POLR1D: variants seen among roughly 807,000 people sequenced by gnomAD.
The protein encoded by POLR1D is RNA polymerase I and III subunit D.
POLR1D carries 8 observed loss-of-function variants against 10.8 expected under a neutral mutation model. The observed-to-expected ratio is 0.74, with a 90% CI of 0.43 to 1.33. POLR1D has a LOEUF of 1.33. Ranked by LOEUF, POLR1D falls within the 40% of genes most tolerant of loss-of-function variation. The pLI, the probability that POLR1D is intolerant of heterozygous loss-of-function variation, is 0.01. For synonymous variants in POLR1D, 54 were observed against 57.2 expected (o/e 0.94, Z 0.25); for missense variants, 152 against 161.7 (o/e 0.94, Z 0.32).
chr13:27,654,857 T>C (rs956941112), intron 2 of POLR1D, among the ~76,000 whole-genome samples: 2 of 152,228 alleles, frequency 1.3e-5, no homozygotes, highest in Non-Finnish European at 2.9e-5. Flanking sequence ...CCTTGTTTCT[T>C]GCCACTGTTT....
At chr13:27,661,686 G>A (rs1020569001) in intron 2 of POLR1D, among the ~76,000 whole-genome samples, 1 of 152,206 alleles carries the variant, frequency 6.6e-6, no homozygotes, top group South Asian at 2.1e-4. Flanking sequence ...GTGGAAGATC[G>A]GGGGAGGCGG....
rs1056522449 is a variant in POLR1D at position 27,621,930 on chromosome 13, G to C, written c.-54G>C. 14 of 1,564,138 alleles carry C rather than the reference G, an allele frequency of 9.0e-6. No individual in the cohort carries two copies. Among genetic ancestry groups the C allele is most frequent in the Admixed American group, 1.9e-5 (1 of 52,590 alleles). Reference sequence around the variant, plus strand: ...TTCGCCTCCGCGCCTCGCGCTATGGGACAGAGCCCCCGATCCGCCAGCACC... The same window carrying C: ...TTCGCCTCCGCGCCTCGCGCTATGGCACAGAGCCCCCGATCCGCCAGCACC... On this transcript the variant is annotated 5_prime_UTR_variant, in exon 1 of 2. Transcript: ENST00000302979.
exon 3 of POLR1D, chr13:27,666,303 AAAAAT>A (rs1396594556): frequency 4.5e-6 from 1 of 221,296 alleles, no homozygotes; most frequent in Admixed American, 5.1e-5. Flanking sequence ...CATTTCTCAG[AAAAAT>A]AAAATACTTA....
In POLR1D at chr13:27,665,902, A is replaced by C. The variant is rs761590961; in HGVS notation, c.318A>C (p.Pro106=). Reference sequence around the variant, plus strand: ...GAGGTTCCGCCAGTTACTCCCCGCCACGAAAGCGGAGCAGCCAGGACAAGT... The same window carrying C: ...GAGGTTCCGCCAGTTACTCCCCGCCCCGAAAGCGGAGCAGCCAGGACAAGT... The change falls in exon 3 of 3, where the codon CCA becomes CCC. Residue 106 remains proline (P), a synonymous_variant. Coordinates refer to the POLR1D transcript ENST00000399697. 1.2e-5 allele frequency: 20 copies of C among 1,614,070 alleles called. 2 individuals are homozygous for C. The South Asian group carries it at 1.8e-4, about 14-fold the overall frequency.
chr13:27,630,027 T>G (rs1050399956), intron 1 of POLR1D, among the ~76,000 whole-genome samples: 4 of 152,192 alleles, frequency 2.6e-5, no homozygotes, highest in African/African-American at 4.8e-5. Flanking sequence ...TTCTTCTGCC[T>G]CAGCCTCCTG....
chr13:27,662,926 C>T (rs577581843), intron 2 of POLR1D, among the ~76,000 whole-genome samples: 199 of 152,292 alleles, frequency 1.3e-3, no homozygotes, highest in Middle Eastern at 3.4e-3. Flanking sequence ...GATTACATAA[C>T]ATGCCCAAAG....
At chr13:27,647,861 A>C (rs1266183509) in intron 1 of POLR1D, 1 of 158,900 alleles carries the variant, frequency 6.3e-6, no homozygotes, top group Non-Finnish European at 1.4e-5. Context: ...ACTGGTATAT[A>C]CTATTCTTAA....
At chr13:27,640,165 A>G (rs1335551056) in intron 1 of POLR1D, among the ~76,000 whole-genome samples, 1 of 152,168 alleles carries the variant, frequency 6.6e-6, no homozygotes, top group Non-Finnish European at 1.5e-5. Flanking sequence ...AGTGGTGCAT[A>G]TTAAATGCAT....
intron 1 of POLR1D, among the ~76,000 whole-genome samples, chr13:27,636,981 A>C (rs1381485782): frequency 6.6e-6 from 1 of 152,228 alleles, no homozygotes; most frequent in African/African-American, 2.4e-5. Flanking sequence ...AACAATGCAT[A>C]GTTAAACATT....
rs1450614909 is a variant in POLR1D at position 27,621,999 on chromosome 13, G to C, written c.16G>C (p.Glu6Gln). The part of the protein sequence containing the change: MEEDQ[E>Q]LERKISGLKT... Reference sequence around the variant, plus strand: ...CGCCCCAGCGATGGAAGAGGATCAGGAGCTGGAGAGGTAACGGCCGAGGAG... The same window carrying C: ...CGCCCCAGCGATGGAAGAGGATCAGCAGCTGGAGAGGTAACGGCCGAGGAG... The change falls in exon 1 of 2, where the codon GAG (glutamate) becomes CAG (glutamine). Residue 6 changes from glutamate (E) to glutamine (Q), a missense_variant. Glu to Gln is a conservative substitution (Grantham distance 29, BLOSUM62 2). Transcript: ENST00000302979. 1 of 1,591,754 alleles carries C rather than the reference G, an allele frequency of 6.3e-7. No homozygotes were observed. Among genetic ancestry groups the C allele is most frequent in the Non-Finnish European group, 8.6e-7 (1 of 1,169,428 alleles).
At chr13:27,665,554 A>G (rs1956407253) in intron 2 of POLR1D, 4 of 821,530 alleles carry the variant, frequency 4.9e-6, no homozygotes, top group African/African-American at 3.4e-5. Context: ...GTGGCATGCA[A>G]GGAAAGCTAA....
chr13:27,662,605 C>T (rs887540605), intron 2 of POLR1D, among the ~76,000 whole-genome samples: 1 of 152,090 alleles, frequency 6.6e-6, no homozygotes, highest in Non-Finnish European at 1.5e-5. Context: ...TTGCTGTATG[C>T]CAGATACCAT....
intron 2 of POLR1D, among the ~76,000 whole-genome samples, chr13:27,648,648 C>G (rs1956241592): frequency 6.6e-6 from 1 of 152,158 alleles, no homozygotes; most frequent in African/African-American, 2.4e-5. Flanking sequence ...AAATGGGCAG[C>G]AGGCGCCTAT....
Position 27,623,340 on chromosome 13 carries a change from C to T in POLR1D, c.*90C>T. On this transcript the variant is annotated 3_prime_UTR_variant, in exon 2 of 2. Transcript: ENST00000302979. ...CAGAATTAGAAGTTTGTGGTTACAG[C>T]ATACTCTGTCCTTCAGAAAGGCGTG... is the stretch of plus-strand genomic sequence containing the variant. 4 of 1,582,812 alleles carry T rather than the reference C, an allele frequency of 2.5e-6. No homozygotes were observed. The highest frequency in any genetic ancestry group is 2.3e-5 in the South Asian group (2 of 87,394).
chr13:27,627,452 G>A (rs896389257), downstream of POLR1D, among the ~76,000 whole-genome samples: 2 of 152,106 alleles, frequency 1.3e-5, no homozygotes, highest in African/African-American at 4.8e-5. Context: ...GGAGAAGGCA[G>A]ACAAGAGCTG....
intron 2 of POLR1D, chr13:27,665,577 C>T (rs1956407492): frequency 9.9e-7 from 1 of 1,012,794 alleles, no homozygotes; most frequent in East Asian, 2.4e-5. Flanking sequence ...AATTCAGAAA[C>T]TCGATTCTGT....
At chr13:27,640,037 C>A (rs935342572) in intron 1 of POLR1D, among the ~76,000 whole-genome samples, 7 of 152,070 alleles carry the variant, frequency 4.6e-5, no homozygotes, top group Non-Finnish European at 1.5e-5. Flanking sequence ...CTTGACTTTT[C>A]CTTATATTCT....
intron 1 of POLR1D, chr13:27,622,520 C>T (rs891420237): frequency 1.6e-5 from 5 of 306,958 alleles, no homozygotes; most frequent in Non-Finnish European, 3.1e-5. Flanking sequence ...ATCGGGATTT[C>T]TATGCCTTTC....
downstream of POLR1D, among the ~76,000 whole-genome samples, chr13:27,627,476 GAA>G (rs1246942342): frequency 6.6e-6 from 1 of 152,106 alleles, no homozygotes; most frequent in Non-Finnish European, 1.5e-5. Context: ...ACATGAAAAA[GAA>G]AACCAATTGT....
Sources: gnomAD v4.1 joint callset for allele counts (sites outside exome capture counted in the v4.1 genomes callset) on GRCh38, gnomAD v4.1.1 for gene constraint, MANE v1.5 for transcripts, NCBI Gene and HGNC (gene_info 2026-07-23, HGNC 2026-07-21) for gene names.